The following IQCJ variants were observed in gnomAD, a reference collection of about 807,000 sequenced individuals.
The protein encoded by IQCJ is IQ domain-containing protein J.
A neutral mutation model predicts 11.0 loss-of-function variants in IQCJ; 9 were observed. The ratio of observed to expected loss-of-function variants is 0.82; its 90% CI spans 0.49 to 1.43. The LOEUF is 1.43. Among genes scored for constraint, IQCJ ranks in the 40% most tolerant of loss-of-function variants. IQCJ has a pLI of 0.00. For synonymous variants in IQCJ, 55 were observed against 51.3 expected, an observed-to-expected ratio of 1.07 and a Z score of -0.31; for missense variants, 146 against 133.2, an observed-to-expected ratio of 1.10 and a Z score of -0.47.
chr3:159,203,210 G>A (rs1232493822), intron 1 of IQCJ, among the ~76,000 whole-genome samples: 1 of 146,066 alleles, frequency 6.8e-6, no homozygotes, highest in Non-Finnish European at 1.5e-5. Context: ...CCTTTTCTTG[G>A]GTCATCTAGT....
At chr3:159,116,530 C>T (rs1359222888) in intron 1 of IQCJ, among the ~76,000 whole-genome samples, 2 of 149,616 alleles carry the variant, frequency 1.3e-5, no homozygotes, top group Non-Finnish European at 3.0e-5. Flanking sequence ...TAACATTCCA[C>T]CTCAGGCCAC....
chr3:159,086,594 G>T (rs1480095902), intron 1 of IQCJ, among the ~76,000 whole-genome samples: 2 of 152,006 alleles, frequency 1.3e-5, no homozygotes, highest in East Asian at 3.9e-4. Context: ...TTATTTCCTT[G>T]AGCAGTGGTT....
intron 1 of IQCJ, among the ~76,000 whole-genome samples, chr3:159,121,420 C>T (rs568205065): frequency 1.3e-5 from 2 of 152,244 alleles, no homozygotes; most frequent in South Asian, 2.1e-4. Flanking sequence ...AGGTATGAGC[C>T]GCTGCGCCCA....
At chr3:159,103,291 C>T (rs4679852) in intron 1 of IQCJ, among the ~76,000 whole-genome samples, 53,127 of 152,088 alleles carry the variant, frequency 0.35, 10,484 homozygotes, top group Non-Finnish European at 0.46. Flanking sequence ...CTGTCTTTTA[C>T]ATTTTAAAAA....
intron 1 of IQCJ, among the ~76,000 whole-genome samples, chr3:159,078,609 T>C (rs1334620017): frequency 6.7e-6 from 1 of 150,332 alleles, no homozygotes; most frequent in Non-Finnish European, 1.5e-5. Context: ...ATCACTCCTA[T>C]GGTTGTGAAA....
intron 1 of IQCJ, among the ~76,000 whole-genome samples, chr3:159,222,335 G>A (rs1725599283): frequency 6.6e-6 from 1 of 152,132 alleles, no homozygotes; most frequent in African/African-American, 2.4e-5. Context: ...AGCAGATATT[G>A]CCATTTGTGA....
intron 1 of IQCJ, among the ~76,000 whole-genome samples, chr3:159,219,535 G>A (rs1725420890): frequency 6.6e-6 from 1 of 152,190 alleles, no homozygotes; most frequent in African/African-American, 2.4e-5. Flanking sequence ...ATGTTCAGAA[G>A]AGGAGGAGAA....
intron 2 of IQCJ, among the ~76,000 whole-genome samples, chr3:159,251,507 T>C (rs1727597217): frequency 6.6e-6 from 1 of 151,932 alleles, no homozygotes; most frequent in African/African-American, 2.4e-5. Context: ...GATGGTTTGT[T>C]AAATAAATTT....
intron 1 of IQCJ, among the ~76,000 whole-genome samples, chr3:159,218,035 CAAT>C (rs5853855): frequency 0.8 from 118,314 of 148,484 alleles, 47,922 homozygotes; most frequent in African/African-American, 0.93. Context: ...ATATTATATA[CAAT>C]AATAATAATA....
intron 2 of IQCJ, among the ~76,000 whole-genome samples, chr3:159,247,874 C>A (rs1577112759): frequency 6.6e-6 from 1 of 152,142 alleles, no homozygotes; most frequent in Non-Finnish European, 1.5e-5. Context: ...GAGAAAGTGA[C>A]TTTGCTTCTG....
downstream of IQCJ, among the ~76,000 whole-genome samples, chr3:159,264,863 G>A (rs909676011): frequency 1.3e-5 from 2 of 151,480 alleles, no homozygotes; most frequent in African/African-American, 4.9e-5. Context: ...GTTGCAGTGA[G>A]CCGAGATTGC....
chr3:159,221,435 T>C (rs755406502), intron 1 of IQCJ, among the ~76,000 whole-genome samples: 1 of 152,306 alleles, frequency 6.6e-6, no homozygotes, highest in Middle Eastern at 3.4e-3. Flanking sequence ...AAATGGTCTC[T>C]GCTGCAGTCC....
chr3:159,111,101 G>A lies in IQCJ; in HGVS notation c.9+41660G>A, dbSNP rs187036599. Among the ~76,000 whole-genome samples the A allele has an allele frequency of 9.2e-5, 14 of 152,258 alleles. No homozygotes were observed. In the East Asian group the frequency reaches 2.1e-3, roughly 23 times the overall value. On this transcript the variant is annotated intron_variant, in intron 1 of 3. Coordinates refer to ENST00000397832, the MANE Select transcript of IQCJ (RefSeq NM_001042706.3). The stretch of plus-strand genomic sequence containing the variant: ...GGCCTCCTGCTGCTGATGCTCCCAC[G>A]TTTTATGTAACTGTCACACAGTTTT...
chr3:159,178,584 T>C (rs1490577751), intron 1 of IQCJ, among the ~76,000 whole-genome samples: 4 of 152,244 alleles, frequency 2.6e-5, no homozygotes, highest in African/African-American at 9.6e-5. Flanking sequence ...TGTTTTTCTT[T>C]CCATGCCCCT....
intron 1 of IQCJ, among the ~76,000 whole-genome samples, chr3:159,140,388 A>T (rs1720534006): frequency 1.3e-5 from 2 of 152,214 alleles, no homozygotes; most frequent in South Asian, 4.1e-4. Context: ...TCCAGAGATG[A>T]GCAGTTGTGG....
intron 1 of IQCJ, among the ~76,000 whole-genome samples, chr3:159,076,544 A>C (rs943755937): frequency 2.6e-5 from 4 of 152,100 alleles, no homozygotes; most frequent in Admixed American, 6.6e-5. Context: ...AGTTCCTAAA[A>C]AGAAGCATGG....
intron 1 of IQCJ, among the ~76,000 whole-genome samples, chr3:159,240,810 C>T (rs1270251539): frequency 6.6e-6 from 1 of 151,958 alleles, no homozygotes; most frequent in Non-Finnish European, 1.5e-5. Flanking sequence ...CCAGGCTGGT[C>T]TTGAACTGCT....
intron 1 of IQCJ, among the ~76,000 whole-genome samples, chr3:159,233,476 A>G (rs772597368): frequency 2.0e-5 from 3 of 152,346 alleles, no homozygotes; most frequent in South Asian, 2.1e-4. Flanking sequence ...AGGGGAGGAT[A>G]CTTAGGTTAA....
intron 1 of IQCJ, among the ~76,000 whole-genome samples, chr3:159,123,447 T>C (rs1719495439): frequency 6.6e-6 from 1 of 152,134 alleles, no homozygotes. Flanking sequence ...CCCAGTCAGC[T>C]TCTAAGATCT....
Sources: allele counts gnomAD v4.1 joint callset (sites outside exome capture counted in the v4.1 genomes callset), GRCh38; gene constraint gnomAD v4.1.1; transcripts MANE v1.5; gene names NCBI Gene and HGNC (gene_info 2026-07-23, HGNC 2026-07-21).